Variants in SGMS1 observed in about 807,000 individuals in gnomAD.
SGMS1 encodes sphingomyelin synthase 1, also known as phosphatidylcholine:ceramide cholinephosphotransferase 1.
SGMS1 carries 13 observed loss-of-function variants against 46.2 expected under a neutral mutation model. That is an observed-to-expected ratio of 0.28 (90% CI 0.18 to 0.45). SGMS1 has a LOEUF of 0.45. Ranked by LOEUF, SGMS1 falls within the 20% of genes least tolerant of loss-of-function variation. SGMS1 has a pLI of 1.00. For missense variants in SGMS1, 324 were observed against 519.9 expected (o/e 0.62, Z 3.66); for synonymous variants, 203 against 187.8 (o/e 1.08, Z -0.66).
chr10:50,352,480 T>C (rs1285871007), intron 6 of SGMS1, among the ~76,000 whole-genome samples: 4 of 144,470 alleles, frequency 2.8e-5, no homozygotes, highest in South Asian at 2.2e-4. Context: ...CTGGTAATAA[T>C]ATAAGAGTAA....
chr10:50,552,606 A>G (rs1290541348), intron 2 of SGMS1, among the ~76,000 whole-genome samples: 3 of 152,304 alleles, frequency 2.0e-5, no homozygotes, highest in Non-Finnish European at 2.9e-5. Context: ...GAAATTGTTG[A>G]CGTTAAGCAT....
chr10:50,365,495 C>T (rs1342720922), intron 6 of SGMS1, among the ~76,000 whole-genome samples: 3 of 151,920 alleles, frequency 2.0e-5, no homozygotes, highest in Admixed American at 1.3e-4. Flanking sequence ...ATACATGTGC[C>T]ATGGTGGTCT....
intron 6 of SGMS1, among the ~76,000 whole-genome samples, chr10:50,382,731 C>G (rs182023334): frequency 2.8e-4 from 43 of 152,280 alleles, no homozygotes; most frequent in African/African-American, 9.9e-4. Flanking sequence ...TACAGCTCCT[C>G]TCAAAAACCA....
intron 6 of SGMS1, among the ~76,000 whole-genome samples, chr10:50,371,620 C>T (rs548206593): frequency 6.6e-6 from 1 of 152,192 alleles, no homozygotes; most frequent in African/African-American, 2.4e-5. Flanking sequence ...ATTGTCTCCA[C>T]CTAGAACACC....
At chr10:50,609,604 C>T (rs1159594421) in intron 1 of SGMS1, among the ~76,000 whole-genome samples, 1 of 143,360 alleles carries the variant, frequency 7.0e-6, no homozygotes, top group Non-Finnish European at 1.5e-5. Context: ...TTCTTTATGA[C>T]TATTCTCAAC....
At chr10:50,309,036 G>C (rs958189360) in intron 9 of SGMS1, among the ~76,000 whole-genome samples, 2 of 152,156 alleles carry the variant, frequency 1.3e-5, no homozygotes, top group African/African-American at 4.8e-5. Context: ...TGCCTTTGTG[G>C]GAAGATCCCT....
upstream of SGMS1, chr10:50,624,561 G>A (rs1838898459): frequency 4.1e-6 from 4 of 983,672 alleles, no homozygotes; most frequent in South Asian, 9.4e-5. Context: ...CGCGCGAGGT[G>A]AAAACTCCGA....
chr10:50,402,849 C>T (rs149733935), intron 6 of SGMS1, among the ~76,000 whole-genome samples: 143 of 152,140 alleles, frequency 9.4e-4, no homozygotes, highest in African/African-American at 3.4e-3. Flanking sequence ...GCAGTGTACC[C>T]TGTACCCCAT....
At chr10:50,410,326 T>TA (rs1849078942) in intron 6 of SGMS1, among the ~76,000 whole-genome samples, 1 of 152,262 alleles carries the variant, frequency 6.6e-6, no homozygotes, top group African/African-American at 2.4e-5. Context: ...AGCTGGTCCT[T>TA]AGAGTGCAGT....
chr10:50,612,726 TGAGA>T (rs1325638388), intron 1 of SGMS1, among the ~76,000 whole-genome samples: 1 of 152,248 alleles, frequency 6.6e-6, no homozygotes, highest in African/African-American at 2.4e-5. Context: ...GTTGTTGTTC[TGAGA>T]CAGAGCCTCG....
At chr10:50,330,834 C>T (rs950368873) in intron 7 of SGMS1, among the ~76,000 whole-genome samples, 76 of 152,254 alleles carry the variant, frequency 5.0e-4, no homozygotes, top group African/African-American at 1.6e-3. Context: ...ATTAGTGATT[C>T]CAGCTGTAAA....
chr10:50,367,900 T>C (rs934042001), intron 6 of SGMS1, among the ~76,000 whole-genome samples: 1 of 152,174 alleles, frequency 6.6e-6, no homozygotes, highest in Admixed American at 6.5e-5. Flanking sequence ...GATCAGGTTG[T>C]AAAGTGACCA....
chr10:50,592,455 G>C (rs11006238), intron 1 of SGMS1, among the ~76,000 whole-genome samples: 22,488 of 152,062 alleles, frequency 0.15, 1,863 homozygotes, highest in Non-Finnish European at 0.19. Flanking sequence ...ATTAAAGATG[G>C]TCTTGGGAAA....
intron 9 of SGMS1, among the ~76,000 whole-genome samples, chr10:50,310,873 T>A (rs916847513): frequency 3.9e-5 from 6 of 152,200 alleles, no homozygotes; most frequent in Admixed American, 2.0e-4. Context: ...TGCCAAGTGC[T>A]GAAAAAATAG....
intron 2 of SGMS1, among the ~76,000 whole-genome samples, chr10:50,560,179 T>C (rs1338864671): frequency 6.9e-6 from 1 of 145,562 alleles, no homozygotes; most frequent in Non-Finnish European, 1.5e-5. Flanking sequence ...ACATTACATA[T>C]ATCAGAATAT....
intron 6 of SGMS1, among the ~76,000 whole-genome samples, chr10:50,355,719 T>A (rs993195160): frequency 2.6e-5 from 4 of 152,112 alleles, no homozygotes; most frequent in Admixed American, 6.6e-5. Context: ...GAGGAGCGCC[T>A]CTGCCTGGCC....
rs923351878 is a variant in SGMS1 at position 50,520,897 on chromosome 10, T to C, written c.-588-976A>G. On this transcript the variant is annotated intron_variant, in intron 2 of 10. Transcript: ENST00000361781. ...ATACTTGCTGGGATTTTTTGTTTTA[T>C]TTTCTTTTTTTTTTTCTTTGAGACA... Among the ~76,000 whole-genome samples the C allele has an allele frequency of 4.6e-5, 7 of 152,088 alleles. No homozygotes were observed. In the South Asian group the frequency reaches 1.5e-3, roughly 32 times the overall value.
intron 3 of SGMS1, among the ~76,000 whole-genome samples, chr10:50,469,851 A>G (rs1263363695): frequency 2.0e-5 from 3 of 152,218 alleles, no homozygotes; most frequent in Non-Finnish European, 4.4e-5. Context: ...AAGGTTGTGG[A>G]AAGAAAAGAT....
At chr10:50,497,860 A>G (rs1171576992) in intron 3 of SGMS1, among the ~76,000 whole-genome samples, 2 of 152,138 alleles carry the variant, frequency 1.3e-5, no homozygotes, top group Non-Finnish European at 2.9e-5. Context: ...CCTACCATCT[A>G]ACACTGTGCC....
Sources: allele counts gnomAD v4.1 joint callset (sites outside exome capture counted in the v4.1 genomes callset), GRCh38; gene constraint gnomAD v4.1.1; transcripts MANE v1.5; gene names NCBI Gene and HGNC (gene_info 2026-07-23, HGNC 2026-07-21).